Variants in STK32B observed in about 807,000 individuals in gnomAD.
STK32B encodes serine/threonine-protein kinase 32B.
Under a neutral mutation model 52.6 loss-of-function variants are expected in STK32B, and 43 were observed. That is an observed-to-expected ratio of 0.82 (90% confidence interval 0.64 to 1.05). The LOEUF is 1.05. STK32B is among the 50% of genes least tolerant of loss of function. STK32B has a pLI of 0.00. For missense variants in STK32B, 621 were observed against 534.6 expected (o/e 1.16, Z -1.59); for synonymous variants, 238 against 204.3 (o/e 1.17, Z -1.41).
chr4:5,154,211 C>CTTTTTTTTTTTTTTTTTTTTTTTTTT (rs3072774), intron 2 of STK32B, among the ~76,000 whole-genome samples: 1 of 122,612 alleles, frequency 8.2e-6, no homozygotes, highest in Non-Finnish European at 1.7e-5. Flanking sequence ...CCTTCCATGT[C>CTTTTTTTTTTTTTTTTTTTTTTTTTT]TTTTTTTTTT....
chr4:5,444,066 C>T (rs1715087369), intron 6 of STK32B, among the ~76,000 whole-genome samples: 1 of 152,170 alleles, frequency 6.6e-6, no homozygotes, highest in African/African-American at 2.4e-5. Flanking sequence ...TTGTCTGTGC[C>T]CTGCCCCCAG....
chr4:5,468,823 G>C (rs1717636190), intron 11 of STK32B, among the ~76,000 whole-genome samples: 1 of 152,144 alleles, frequency 6.6e-6, no homozygotes, highest in Admixed American at 6.5e-5. Context: ...AGCATTTTGG[G>C]AGGCTGAGGC....
In STK32B at chr4:5,416,944, C is replaced by G. The variant is rs1422814753; in HGVS notation, c.562+10C>G. The stretch of plus-strand genomic sequence containing the variant: ...ACCAAGCCCTACATGGGTGAGTGTT[C>G]CAGGCCCCTTCTTTTCATGTGATCG... On this transcript the variant is annotated intron_variant, in intron 6 of 11. Coordinates refer to ENST00000282908, the MANE Select transcript of STK32B (RefSeq NM_018401.3). 6.2e-7 allele frequency: 1 copy of G among 1,607,740 alleles called. No individual in the cohort carries two copies. Among genetic ancestry groups the G allele is most frequent in the Admixed American group, 1.7e-5 (1 of 59,144 alleles).
chr4:5,372,060 C>T (rs924301763), intron 4 of STK32B, among the ~76,000 whole-genome samples: 8 of 152,204 alleles, frequency 5.3e-5, no homozygotes. Flanking sequence ...TGCAGGCAGG[C>T]GAGCAGATAC....
chr4:5,043,442 C>T, the STK32B span, among the ~76,000 whole-genome samples: 31 of 152,188 alleles, frequency 2.0e-4, no homozygotes, highest in African/African-American at 7.5e-4. Context: ...TTATATCTCT[C>T]ATAAATCTAG....
chr4:5,456,068 G>A (rs531422062), intron 7 of STK32B, among the ~76,000 whole-genome samples: 22 of 152,022 alleles, frequency 1.4e-4, no homozygotes, highest in African/African-American at 5.1e-4. Context: ...GGGGAGCGGG[G>A]ACCGGGAGTG....
the STK32B span, among the ~76,000 whole-genome samples, chr4:5,026,135 TCTTG>T: frequency 6.6e-6 from 1 of 152,248 alleles, no homozygotes; most frequent in Non-Finnish European, 1.5e-5. Flanking sequence ...TCTGTTTTCT[TCTTG>T]TGATCTAATA....
chr4:5,332,567 A>T (rs920116196), intron 4 of STK32B, among the ~76,000 whole-genome samples: 1 of 152,094 alleles, frequency 6.6e-6, no homozygotes, highest in African/African-American at 2.4e-5. Context: ...ACATATGTAT[A>T]CATGTGCCAT....
intron 4 of STK32B, 50 bp downstream of exon 4, chr4:5,331,443 G>A: frequency 6.4e-7 from 1 of 1,564,054 alleles, no homozygotes. Context: ...CATGGGCTAG[G>A]GTGTCAGGAG....
At chr4:5,217,820 C>T (rs1325906830) in intron 3 of STK32B, among the ~76,000 whole-genome samples, 2 of 152,140 alleles carry the variant, frequency 1.3e-5, no homozygotes, top group African/African-American at 2.4e-5. Context: ...ACAAAAGTGT[C>T]AGCTTCAGTT....
intron 4 of STK32B, among the ~76,000 whole-genome samples, chr4:5,385,380 C>T (rs1386687969): frequency 1.3e-5 from 2 of 150,408 alleles, no homozygotes; most frequent in Non-Finnish European, 2.9e-5. Flanking sequence ...TTCGAAGCCC[C>T]GTGCCCATGT....
chr4:5,423,268 A>C (rs1252703305), intron 6 of STK32B, among the ~76,000 whole-genome samples: 3 of 152,030 alleles, frequency 2.0e-5, no homozygotes, highest in Admixed American at 6.5e-5. Flanking sequence ...GGTGTCTTCC[A>C]CTCAGTGGCT....
chr4:5,231,855 G>A lies in STK32B; in HGVS notation c.260+63405G>A, dbSNP rs1724295336. On this transcript the variant is annotated intron_variant, in intron 3 of 11. Transcript: ENST00000282908. ...CAGGAGGATCAAGGGACCACAGCGG[G>A]TATTTTTTGAGGTGGGGAGGAAGGA... Among the ~76,000 whole-genome samples the A allele has an allele frequency of 1.3e-5, 2 of 152,152 alleles. 1 individual carries two copies. Among genetic ancestry groups the A allele is most frequent in the South Asian group, 4.1e-4 (2 of 4,826 alleles).
chr4:5,394,807 G>A lies in STK32B; in HGVS notation c.435-3400G>A, dbSNP rs1437530499. 6.6e-6 allele frequency among the ~76,000 whole-genome samples: 1 copy of A among 152,156 alleles called. No homozygotes were observed. Among genetic ancestry groups the A allele is most frequent in the African/African-American group, 2.4e-5 (1 of 41,422 alleles). ...AGGAAAACAAGGCTGAGAGTAAGTG[G>A]CCCAAGATCATATAGCTAGAGAATT... On this transcript the variant is annotated intron_variant, in intron 4 of 11. Coordinates refer to ENST00000282908, the MANE Select transcript of STK32B (RefSeq NM_018401.3). The surrounding 1 kb of genome is among the most constrained non-coding windows in gnomAD (Gnocchi z 4.2).
intron 4 of STK32B, among the ~76,000 whole-genome samples, chr4:5,335,201 C>G (rs1211857074): frequency 1.3e-5 from 2 of 152,128 alleles, no homozygotes; most frequent in Non-Finnish European, 2.9e-5. Context: ...CTGGTTTAGT[C>G]TTGGGAGGGT....
At chr4:5,142,045 C>T (rs1716502846) in intron 2 of STK32B, among the ~76,000 whole-genome samples, 1 of 152,118 alleles carries the variant, frequency 6.6e-6, no homozygotes, top group African/African-American at 2.4e-5. Context: ...CCATCTTCAG[C>T]CTGTAGCTGG....
chr4:5,217,466 C>CT (rs149133748), intron 3 of STK32B, among the ~76,000 whole-genome samples: 1,778 of 152,264 alleles, frequency 0.012, 33 homozygotes, highest in African/African-American at 0.04. Context: ...TGCCAGTCCC[C>CT]TTTTAGCTCA....
At chr4:5,283,131 A>G (rs186077770) in intron 3 of STK32B, among the ~76,000 whole-genome samples, 275 of 152,108 alleles carry the variant, frequency 1.8e-3, no homozygotes, top group African/African-American at 5.7e-3. Context: ...CTATAAATTC[A>G]TCTTTATTAG....
At chr4:5,415,818 C>G (rs1287525473) in intron 5 of STK32B, among the ~76,000 whole-genome samples, 1 of 152,142 alleles carries the variant, frequency 6.6e-6, no homozygotes, top group East Asian at 1.9e-4. Flanking sequence ...TCACATCAGG[C>G]ATGCCCCTCC....
Sources: allele counts gnomAD v4.1 joint callset (sites outside exome capture counted in the v4.1 genomes callset), GRCh38; gene constraint gnomAD v4.1.1; non-coding constraint Gnocchi (gnomAD v3.1); transcripts MANE v1.5; gene names NCBI Gene and HGNC (gene_info 2026-07-23, HGNC 2026-07-21).